The following RAPGEF2 variants were observed in gnomAD, a reference collection of about 807,000 sequenced individuals.
RAPGEF2 encodes PDZ domain containing guanine nucleotide exchange factor (GEF) 1.
A neutral mutation model predicts 186.7 loss-of-function variants in RAPGEF2; 54 were observed. The ratio of observed to expected loss-of-function variants is 0.29; its 90% confidence interval spans 0.23 to 0.36. RAPGEF2 has a LOEUF of 0.36. RAPGEF2 is among the 10% of genes least tolerant of loss of function. The pLI is 1.00. For missense variants in RAPGEF2, 1,532 were observed against 2,045.0 expected, an observed-to-expected ratio of 0.75 and a Z score of 4.84; for synonymous variants, 712 against 705.9, an observed-to-expected ratio of 1.01 and a Z score of -0.14.
At chr4:159,142,704 G>C (rs758281346) in intron 1 of RAPGEF2, among the ~76,000 whole-genome samples, 1 of 152,026 alleles carries the variant, frequency 6.6e-6, no homozygotes, top group Non-Finnish European at 1.5e-5. Context: ...TTAAATTATA[G>C]AATGCAATGG....
intron 7 of RAPGEF2, among the ~76,000 whole-genome samples, chr4:159,274,954 T>A (rs1052093373): frequency 2.0e-5 from 3 of 152,146 alleles, no homozygotes; most frequent in African/African-American, 7.2e-5. Flanking sequence ...GAAACACCCA[T>A]GTCATAAAGA....
chr4:159,332,059 T>G (rs770540842), intron 16 of RAPGEF2, 25 bp downstream of exon 16: 1 of 1,471,322 alleles, frequency 6.8e-7, no homozygotes, highest in African/African-American at 1.4e-5. Flanking sequence ...TACTTTTCAT[T>G]TTTCTCCTTT....
chr4:159,120,360 A>G (rs1175894342), intron 1 of RAPGEF2, among the ~76,000 whole-genome samples: 3 of 152,230 alleles, frequency 2.0e-5, no homozygotes, highest in Admixed American at 6.5e-5. Flanking sequence ...TATGTAAAAT[A>G]TACATAAAAG....
At chr4:159,288,690 C>G (rs1009695010) in intron 7 of RAPGEF2, among the ~76,000 whole-genome samples, 1 of 152,190 alleles carries the variant, frequency 6.6e-6, no homozygotes, top group African/African-American at 2.4e-5. Flanking sequence ...CTCAGCCTTT[C>G]TCACGCCTTA....
At position 159,246,085 on chromosome 4, in the gene RAPGEF2, A is replaced by T. The variant is rs191690508; in HGVS notation, c.543+2294A>T. ...AAGTTTCAGTCAGTACAAAAATTTT[A>T]AAATGATGAAAACTTATTGGTCGTG... On this transcript the variant is annotated intron_variant, in intron 7 of 29. Transcript: ENST00000691494. 9.8e-5 allele frequency among the ~76,000 whole-genome samples: 15 copies of T among 152,286 alleles called. No individual in the cohort carries two copies. In the East Asian group the frequency reaches 2.7e-3, roughly 27 times the overall value.
chr4:159,240,807 GTTTTTT>G (rs373635263), intron 5 of RAPGEF2, among the ~76,000 whole-genome samples: 1 of 132,976 alleles, frequency 7.5e-6, no homozygotes, highest in Non-Finnish European at 1.6e-5. Context: ...TTCCATCAGG[GTTTTTT>G]TTTTTTTTTT....
chr4:159,125,656 G>A lies in RAPGEF2; in HGVS notation c.69+21425G>A, dbSNP rs1164313709. 2.0e-5 allele frequency among the ~76,000 whole-genome samples: 3 copies of A among 152,036 alleles called. No individual in the cohort carries two copies. The East Asian group carries it at 5.8e-4, about 29-fold the overall frequency. On this transcript the variant is annotated intron_variant, in intron 1 of 29. Transcript: ENST00000691494. ...ACCTGTAGTCCCAGCTGCTCAGGAGGCTGAGGCAGGAGAATGGCGTGAACA... is the reference window on the plus strand; with the variant it reads ...ACCTGTAGTCCCAGCTGCTCAGGAGACTGAGGCAGGAGAATGGCGTGAACA...
At chr4:159,187,587 G>A (rs1038380049) in intron 2 of RAPGEF2, among the ~76,000 whole-genome samples, 6 of 152,096 alleles carry the variant, frequency 3.9e-5, no homozygotes, top group African/African-American at 1.4e-4. Flanking sequence ...GAGAAACACA[G>A]TTTATACTAT....
chr4:159,218,316 TA>T (rs1751177590), intron 4 of RAPGEF2, among the ~76,000 whole-genome samples: 4 of 152,220 alleles, frequency 2.6e-5, no homozygotes, highest in African/African-American at 7.2e-5. Flanking sequence ...CAAATCATGT[TA>T]AAACTGTCCT....
rs6847928 is a variant in RAPGEF2, at chr4:159,282,765, G to T, written c.544-21577G>T. 1.5e-3 allele frequency: 532 copies of T among 352,942 alleles called. 4 individuals are homozygous for T. The highest frequency in any genetic ancestry group is 0.011 in the African/African-American group (489 of 45,686). The allele number at this position is 352,942 out of a possible 1,614,324, so 21.9% of individuals were successfully genotyped here. On this transcript the variant is annotated intron_variant, in intron 7 of 29. Coordinates refer to ENST00000691494, the MANE Select transcript of RAPGEF2 (RefSeq NM_001394067.2). ...AGATTATAGAAGCATGGGATTTGGGGCTGTATTTAAATATGCCATTATACA... is the reference window on the plus strand; with the variant it reads ...AGATTATAGAAGCATGGGATTTGGGTCTGTATTTAAATATGCCATTATACA...
intron 25 of RAPGEF2, among the ~76,000 whole-genome samples, chr4:159,347,924 A>C (rs1274518348): frequency 6.6e-6 from 1 of 152,076 alleles, no homozygotes; most frequent in Non-Finnish European, 1.5e-5. Flanking sequence ...AATTATTAAA[A>C]ATAAAGGGAT....
intron 25 of RAPGEF2, among the ~76,000 whole-genome samples, chr4:159,349,417 G>C (rs937737967): frequency 2.0e-5 from 3 of 152,132 alleles, no homozygotes; most frequent in Admixed American, 1.3e-4. Flanking sequence ...AAATAATTTT[G>C]AGGAGGGAAA....
At chr4:159,106,031 C>T (rs1426942321) in intron 1 of RAPGEF2, among the ~76,000 whole-genome samples, 1 of 152,158 alleles carries the variant, frequency 6.6e-6, no homozygotes, top group African/African-American at 2.4e-5. Flanking sequence ...GACTGTGGGC[C>T]CACTGTGCCA....
At chr4:159,166,566 CA>C (rs1307446980) in intron 1 of RAPGEF2, among the ~76,000 whole-genome samples, 1 of 152,186 alleles carries the variant, frequency 6.6e-6, no homozygotes, top group Non-Finnish European at 1.5e-5. Flanking sequence ...GCCATTGCTA[CA>C]GAGCTTTCTG....
At chr4:159,323,019 CATT>C (rs1765441254) in intron 10 of RAPGEF2, among the ~76,000 whole-genome samples, 1 of 152,040 alleles carries the variant, frequency 6.6e-6, no homozygotes, top group South Asian at 2.1e-4. Flanking sequence ...TTATATTTCC[CATT>C]ATTTACAGAA....
At chr4:159,136,880 C>T (rs1305454363) in intron 1 of RAPGEF2, among the ~76,000 whole-genome samples, 3 of 152,154 alleles carry the variant, frequency 2.0e-5, no homozygotes, top group Admixed American at 6.5e-5. Context: ...AGAGCCTGCA[C>T]CTGAACTGGC....
Position 159,124,605 on chromosome 4 carries a change from T to C in RAPGEF2, c.69+20374T>C, listed in dbSNP as rs1001449790. Among the ~76,000 whole-genome samples the C allele has an allele frequency of 1.7e-4, 26 of 152,288 alleles. No homozygotes were observed. The East Asian group carries it at 5.0e-3, about 29-fold the overall frequency. ...CTGTAATCTTTTTGCTGAAGATATA[T>C]CTTTACGCAAAGAAGAATGAAGAGG... On this transcript the variant is annotated intron_variant, in intron 1 of 29. Transcript: ENST00000691494.
At chr4:159,247,447 C>T (rs896888188) in intron 7 of RAPGEF2, among the ~76,000 whole-genome samples, 3 of 152,112 alleles carry the variant, frequency 2.0e-5, no homozygotes, top group African/African-American at 2.4e-5. Context: ...CTTATTTGTT[C>T]AAAGACTTAG....
chr4:159,349,192 T>TA (rs1730826241), intron 25 of RAPGEF2, among the ~76,000 whole-genome samples: 2 of 152,222 alleles, frequency 1.3e-5, no homozygotes, highest in Non-Finnish European at 2.9e-5. Context: ...AAGGTTTTTT[T>TA]AAAAAAGATT....
Sources: allele counts gnomAD v4.1 joint callset (sites outside exome capture counted in the v4.1 genomes callset), GRCh38; gene constraint gnomAD v4.1.1; transcripts MANE v1.5; gene names NCBI Gene and HGNC (gene_info 2026-07-23, HGNC 2026-07-21).